STXBP6: variants seen among roughly 807,000 people sequenced by gnomAD.
The protein encoded by STXBP6 is syntaxin-binding protein 6.
A neutral mutation model predicts 26.9 loss-of-function variants in STXBP6; 21 were observed. The observed-to-expected ratio is 0.78, with a 90% CI of 0.55 to 1.12. STXBP6 has a LOEUF of 1.12. Among genes scored for constraint, STXBP6 ranks in the 50% most tolerant of loss-of-function variants. The probability of loss-of-function intolerance (pLI) is 0.00; values close to 1 mark genes in which losing one functional copy is unlikely to be tolerated. For synonymous variants in STXBP6, 97 were observed against 92.6 expected, an observed-to-expected ratio of 1.05 and a Z score of -0.27; for missense variants, 232 against 257.9, an observed-to-expected ratio of 0.90 and a Z score of 0.69.
chr14:24,955,579 G>C (rs925874553), intron 2 of STXBP6, among the ~76,000 whole-genome samples: 2 of 152,190 alleles, frequency 1.3e-5, no homozygotes, highest in African/African-American at 4.8e-5. Flanking sequence ...CACTAGCAAG[G>C]CTGAAGTCAT....
chr14:24,921,994 C>CT (rs1353062989), intron 2 of STXBP6, among the ~76,000 whole-genome samples: 1 of 151,956 alleles, frequency 6.6e-6, no homozygotes, highest in African/African-American at 2.4e-5. Flanking sequence ...TCCCCCTCCC[C>CT]TTTTTTTCAG....
intron 1 of STXBP6, among the ~76,000 whole-genome samples, chr14:24,992,814 ACT>A (rs1170998131): frequency 6.6e-6 from 1 of 152,192 alleles, no homozygotes; most frequent in Non-Finnish European, 1.5e-5. Context: ...ACCATAAGTA[ACT>A]CTGAAAAACA....
chr14:24,974,967 C>A, intron 1 of STXBP6, 117 bp from the exon 2 acceptor site: 2 of 592,150 alleles, frequency 3.4e-6, no homozygotes, highest in Non-Finnish European at 5.4e-6. Flanking sequence ...AGTTTAATCT[C>A]ATAATTGCTT....
At chr14:25,028,419 A>G (rs1167462172) in intron 1 of STXBP6, among the ~76,000 whole-genome samples, 1 of 152,182 alleles carries the variant, frequency 6.6e-6, no homozygotes, top group African/African-American at 2.4e-5. Context: ...TGCTCTATCA[A>G]TGGAACAACA....
intron 1 of STXBP6, among the ~76,000 whole-genome samples, chr14:25,034,875 G>A (rs2075523079): frequency 6.6e-6 from 1 of 152,162 alleles, no homozygotes; most frequent in Non-Finnish European, 1.5e-5. Context: ...TCTTGGCCGG[G>A]TGTGGTGGCT....
intron 4 of STXBP6, chr14:24,819,593 T>C (rs1409489224): frequency 2.4e-6 from 1 of 411,538 alleles, no homozygotes; most frequent in Non-Finnish European, 4.3e-6. Flanking sequence ...CTGGATCTTA[T>C]GTTATTTCCT....
At chr14:25,026,273 T>C (rs1421786373) in intron 1 of STXBP6, among the ~76,000 whole-genome samples, 1 of 151,960 alleles carries the variant, frequency 6.6e-6, no homozygotes, top group Non-Finnish European at 1.5e-5. Flanking sequence ...AAAAAGACGG[T>C]GCCAAAAAGA....
chr14:24,829,000 G>T (rs889368731), intron 4 of STXBP6, among the ~76,000 whole-genome samples: 1 of 152,138 alleles, frequency 6.6e-6, no homozygotes, highest in African/African-American at 2.4e-5. Context: ...TTCCCATGAA[G>T]ACCCAGTGAG....
At chr14:24,954,067 T>C (rs1399013485) in intron 2 of STXBP6, among the ~76,000 whole-genome samples, 1 of 152,154 alleles carries the variant, frequency 6.6e-6, no homozygotes, top group Non-Finnish European at 1.5e-5. Context: ...GTGACCAGCA[T>C]TTTTTCAGAG....
At chr14:24,972,963 C>A (rs991053722) in intron 2 of STXBP6, among the ~76,000 whole-genome samples, 1 of 152,044 alleles carries the variant, frequency 6.6e-6, no homozygotes, top group South Asian at 2.1e-4. Flanking sequence ...CAAAAAAATA[C>A]AAACATCAGC....
At chr14:24,916,992 T>C (rs1345222693) in intron 2 of STXBP6, among the ~76,000 whole-genome samples, 1 of 152,184 alleles carries the variant, frequency 6.6e-6, no homozygotes, top group East Asian at 1.9e-4. Context: ...CAGCCTGCCA[T>C]GGACAAAATA....
At chr14:24,883,771 T>C (rs1243792510) in intron 2 of STXBP6, among the ~76,000 whole-genome samples, 1 of 152,224 alleles carries the variant, frequency 6.6e-6, no homozygotes, top group Non-Finnish European at 1.5e-5. Context: ...TCACCAGTTT[T>C]TGTTCTTCTA....
At chr14:24,899,561 A>T (rs994953131) in intron 2 of STXBP6, among the ~76,000 whole-genome samples, 1 of 151,902 alleles carries the variant, frequency 6.6e-6, no homozygotes, top group Non-Finnish European at 1.5e-5. Context: ...TGGGTGGATC[A>T]CCTGAGGTCA....
Position 24,855,980 on chromosome 14 carries a change from T to G in STXBP6, c.407A>C (p.Asp136Ala). ...GCAGTTAATAAACTCTGGCTTCCTG[T>G]CCGTGAGGTACCTCTGGCAGGTATG... is the stretch of plus-strand genomic sequence containing the variant. ...LHHTCQRYLT[D>A]RKPEFINCQS... Residue 136 changes from aspartate to alanine, a missense_variant, in exon 4 of 6, where the codon GAC becomes GCC. Asp to Ala is a moderately radical substitution (Grantham distance 126). Transcript: ENST00000323944. The G allele has an allele frequency of 6.2e-7, 1 of 1,609,742 alleles. No homozygotes were observed. The highest frequency in any genetic ancestry group is 8.5e-7 in the Non-Finnish European group (1 of 1,178,012).
intron 2 of STXBP6, among the ~76,000 whole-genome samples, chr14:24,918,099 A>C (rs1170611400): frequency 6.6e-6 from 1 of 152,062 alleles, no homozygotes; most frequent in Non-Finnish European, 1.5e-5. Context: ...AATGGTTGCC[A>C]AGGGCTGGGG....
At chr14:25,038,797 A>G (rs2075595112) in intron 1 of STXBP6, among the ~76,000 whole-genome samples, 1 of 152,038 alleles carries the variant, frequency 6.6e-6, no homozygotes. Context: ...CTACACGTGT[A>G]CCCTCGAAAC....
At chr14:24,959,858 T>C (rs1288957870) in intron 2 of STXBP6, among the ~76,000 whole-genome samples, 3 of 152,230 alleles carry the variant, frequency 2.0e-5, no homozygotes, top group African/African-American at 7.2e-5. Context: ...TAGGTTTCCC[T>C]TTTTTAAACA....
chr14:24,894,014 A>T (rs1185649150), intron 2 of STXBP6, among the ~76,000 whole-genome samples: 1 of 152,272 alleles, frequency 6.6e-6, no homozygotes, highest in Non-Finnish European at 1.5e-5. Flanking sequence ...AAAGAAAAAA[A>T]CATGTGTTAT....
chr14:24,967,548 T>C (rs1238868698), intron 2 of STXBP6, among the ~76,000 whole-genome samples: 2 of 152,206 alleles, frequency 1.3e-5, no homozygotes, highest in Admixed American at 6.5e-5. Context: ...ATAAATGGTA[T>C]AACAAAGGAT....
Sources: allele counts gnomAD v4.1 joint callset (sites outside exome capture counted in the v4.1 genomes callset), GRCh38; gene constraint gnomAD v4.1.1; transcripts MANE v1.5; gene names NCBI Gene and HGNC (gene_info 2026-07-23, HGNC 2026-07-21).